FLRT2: variants seen among roughly 807,000 people sequenced by gnomAD.
The protein encoded by FLRT2 is leucine-rich repeat transmembrane protein FLRT2.
FLRT2 carries 15 observed loss-of-function variants against 40.0 expected under a neutral mutation model. The observed-to-expected ratio is 0.38, with a 90% CI of 0.25 to 0.58. The LOEUF is 0.58. FLRT2 is among the 20% of genes least tolerant of loss of function. The pLI is 0.71. For missense variants in FLRT2, 726 were observed against 840.0 expected, an observed-to-expected ratio of 0.86 and a Z score of 1.68; for synonymous variants, 380 against 336.8, an observed-to-expected ratio of 1.13 and a Z score of -1.41.
rs140704429 is a variant in FLRT2 at position 85,619,066 on chromosome 14, A to C, written c.-376-2073A>C. On this transcript the variant is annotated intron_variant, in intron 1 of 1. Transcript: ENST00000330753. ...CAAAATGTATATTAGGTTTTGTAAA[A>C]AATTAAATAATGCTTGACTTTTTTT... 5.7e-3 allele frequency among the ~76,000 whole-genome samples: 859 copies of C among 151,972 alleles called. 14 individuals carry two copies. Among genetic ancestry groups the C allele is most frequent in the African/African-American group, 0.02 (817 of 41,476 alleles).
At position 85,640,569 on chromosome 14, in the gene FLRT2, TA is replaced by T. The variant is rs2139397544; in HGVS notation, c.*17074del. On this transcript the variant is annotated 3_prime_UTR_variant, in exon 2 of 2. Coordinates refer to ENST00000330753, the MANE Select transcript of FLRT2 (RefSeq NM_013231.6). ...ATTTAATAATAATGGTAATAATGAC[TA>T]AGTTCTCTCATCAAGGTCTGTACCA... 6.6e-6 allele frequency: 1 copy of T among 152,328 alleles called. No individual in the cohort carries two copies. Among genetic ancestry groups the T allele is most frequent in the Non-Finnish European group, 1.5e-5 (1 of 68,024 alleles). 9.4% of individuals were successfully genotyped at this position (152,328 alleles called of 1,614,324 possible).
At chr14:85,587,306 G>A (rs200846702) in intron 1 of FLRT2, among the ~76,000 whole-genome samples, 2,672 of 128,806 alleles carry the variant, frequency 0.021, 72 homozygotes, top group African/African-American at 0.072. Flanking sequence ...AAAAAAAAAA[G>A]AAGAAAGCAG....
intron 1 of FLRT2, among the ~76,000 whole-genome samples, chr14:85,589,269 C>G (rs891592833): frequency 6.6e-6 from 1 of 152,184 alleles, no homozygotes; most frequent in Non-Finnish European, 1.5e-5. Flanking sequence ...TACTTGCCAG[C>G]ATTTTTTATT....
At chr14:85,551,947 A>T (rs189295456) in intron 1 of FLRT2, among the ~76,000 whole-genome samples, 2 of 152,328 alleles carry the variant, frequency 1.3e-5, no homozygotes, top group East Asian at 3.9e-4. Context: ...GAACTACCAA[A>T]GGTCATGTCC....
At chr14:85,540,631 G>A (rs10135375) in intron 1 of FLRT2, among the ~76,000 whole-genome samples, 3,276 of 152,062 alleles carry the variant, frequency 0.022, 118 homozygotes, top group African/African-American at 0.074. Context: ...TATTTCTTTC[G>A]GTGATTTGAG....
chr14:85,547,838 G>A (rs1045475807), intron 1 of FLRT2, among the ~76,000 whole-genome samples: 2 of 152,212 alleles, frequency 1.3e-5, no homozygotes, highest in African/African-American at 4.8e-5. Context: ...GTCAATATGT[G>A]TAAGATGTAC....
chr14:85,555,334 G>A (rs1889881717), intron 1 of FLRT2, among the ~76,000 whole-genome samples: 1 of 152,158 alleles, frequency 6.6e-6, no homozygotes, highest in Admixed American at 6.6e-5. Flanking sequence ...GACTACCTGA[G>A]ACTGGGTAAT....
At position 85,647,019 on chromosome 14, in the gene FLRT2, G is replaced by T. The variant is rs557545417; in HGVS notation, c.*23522G>T. The T allele has an allele frequency of 6.6e-6, 1 of 152,138 alleles. No individual in the cohort carries two copies. Among genetic ancestry groups the T allele is most frequent in the Non-Finnish European group, 1.5e-5 (1 of 68,038 alleles). 9.4% of individuals were successfully genotyped at this position (152,138 alleles called of 1,614,324 possible). On this transcript the variant is annotated 3_prime_UTR_variant, in exon 2 of 2. Coordinates refer to ENST00000330753, the MANE Select transcript of FLRT2 (RefSeq NM_013231.6). ...TAGCTTCCCAATTACTTGATGAACA[G>T]CTATGAATGTTGTTTCTTTTTCTTA...
In FLRT2 at chr14:85,631,666, C is replaced by A. The variant is rs1893877223; in HGVS notation, c.*8169C>A. 1.3e-5 allele frequency: 2 copies of A among 152,156 alleles called. No homozygotes were observed. The highest frequency in any genetic ancestry group is 1.3e-4 in the Admixed American group (2 of 15,280). 9.4% of individuals were successfully genotyped at this position (152,156 alleles called of 1,614,324 possible). ...CAAACATATATATTTTCCTTAAAATCTCTTGATTACTCATCAACATTTTTA... is the reference window on the plus strand; with the variant it reads ...CAAACATATATATTTTCCTTAAAATATCTTGATTACTCATCAACATTTTTA... On this transcript the variant is annotated 3_prime_UTR_variant, in exon 2 of 2. Coordinates refer to ENST00000330753, the MANE Select transcript of FLRT2 (RefSeq NM_013231.6).
chr14:85,576,203 A>G (rs1171042417), intron 1 of FLRT2, among the ~76,000 whole-genome samples: 1 of 151,936 alleles, frequency 6.6e-6, no homozygotes, highest in Non-Finnish European at 1.5e-5. Flanking sequence ...CGCCTCAAAA[A>G]CTCATGACCT....
intron 1 of FLRT2, among the ~76,000 whole-genome samples, chr14:85,591,668 G>A (rs1198625114): frequency 6.6e-6 from 1 of 152,144 alleles, no homozygotes; most frequent in Non-Finnish European, 1.5e-5. Context: ...AGGTGACTGG[G>A]AATCCCATCA....
chr14:85,594,113 A>G (rs528300691), intron 1 of FLRT2, among the ~76,000 whole-genome samples: 4 of 152,290 alleles, frequency 2.6e-5, no homozygotes, highest in East Asian at 1.9e-4. Context: ...TATATTGTGG[A>G]TCCCATCATA....
Position 85,622,033 on chromosome 14 carries a change from T to C in FLRT2, c.519T>C (p.Ser173=). The change falls in exon 2 of 2, where the codon AGT becomes AGC. Residue 173 remains serine, a synonymous_variant. Coordinates refer to ENST00000330753, the MANE Select transcript of FLRT2 (RefSeq NM_013231.6). The stretch of plus-strand genomic sequence containing the variant: ...TTTTGTCTAAGAATCACCTGAGCAG[T>C]GTGCCTGTTGGGCTTCCTGTGGACT... ...LLFLSKNHLS[S]VPVGLPVDLQ... 2 of 1,613,574 alleles carry C rather than the reference T, an allele frequency of 1.2e-6. No homozygotes were observed. The highest frequency in any genetic ancestry group is 1.7e-6 in the Non-Finnish European group (2 of 1,179,732).
chr14:85,607,379 T>C (rs1218556648), intron 1 of FLRT2, among the ~76,000 whole-genome samples: 1 of 152,184 alleles, frequency 6.6e-6, no homozygotes, highest in African/African-American at 2.4e-5. Context: ...CAATTAGAGT[T>C]AGGCGATATG....
chr14:85,546,520 C>G (rs72691288), intron 1 of FLRT2, among the ~76,000 whole-genome samples: 23,259 of 152,168 alleles, frequency 0.15, 2,119 homozygotes, highest in Admixed American at 0.21. Flanking sequence ...AGCTCCATTA[C>G]CACATGAAAG....
rs2139371522 is a variant in FLRT2, at chr14:85,622,478, A to T, written c.964A>T (p.Thr322Ser). 6.2e-7 allele frequency: 1 copy of T among 1,614,174 alleles called. No individual in the cohort carries two copies. The highest frequency in any genetic ancestry group is 2.2e-5 in the East Asian group (1 of 44,876). The change falls in exon 2 of 2, where the codon ACA becomes TCA. Residue 322 changes from threonine to serine, a missense_variant. Thr to Ser is a moderately conservative substitution (Grantham distance 58). Around this residue, in one of 3 missense-constraint regions of FLRT2, gnomAD observed 611 missense variants for 690.0 expected, o/e 0.89. Transcript: ENST00000330753. ...TTGTGACTGCAGTATTAAATGGGTC[A>T]CAGAATGGCTCAAATATATCCCTTC... is the stretch of plus-strand genomic sequence containing the variant. ...WFCDCSIKWV[T>S]EWLKYIPSSL...
intron 1 of FLRT2, among the ~76,000 whole-genome samples, chr14:85,550,665 A>T (rs1227279823): frequency 2.6e-5 from 4 of 152,166 alleles, no homozygotes; most frequent in African/African-American, 7.2e-5. Context: ...CTTTACCTAC[A>T]TTTCAGTTTA....
At chr14:85,581,716 A>G (rs1891392322) in intron 1 of FLRT2, among the ~76,000 whole-genome samples, 1 of 152,228 alleles carries the variant, frequency 6.6e-6, no homozygotes, top group Non-Finnish European at 1.5e-5. Flanking sequence ...ATTGTATATA[A>G]TGAAATTATT....
chr14:85,619,325 T>C (rs1893280973), intron 1 of FLRT2, among the ~76,000 whole-genome samples: 1 of 152,042 alleles, frequency 6.6e-6, no homozygotes, highest in African/African-American at 2.4e-5. Flanking sequence ...GCTCAAGCTA[T>C]ATGCCTGCCT....
Sources: allele counts gnomAD v4.1 joint callset (sites outside exome capture counted in the v4.1 genomes callset), GRCh38; gene constraint gnomAD v4.1.1; regional missense constraint gnomAD v4.1.1; transcripts MANE v1.5; gene names NCBI Gene and HGNC (gene_info 2026-07-23, HGNC 2026-07-21).